PSIP1: variants seen among roughly 807,000 people sequenced by gnomAD.
PSIP1 encodes PC4 and SFRS1-interacting protein.
Under a neutral mutation model 74.7 loss-of-function variants are expected in PSIP1, and 19 were observed. The ratio of observed to expected loss-of-function variants is 0.25; its 90% CI spans 0.18 to 0.37. PSIP1 has a LOEUF of 0.37. Ranked by LOEUF, PSIP1 falls within the 10% of genes least tolerant of loss-of-function variation. PSIP1 has a pLI of 1.00. For missense variants in PSIP1, 601 were observed against 614.3 expected (o/e 0.98, Z 0.23); for synonymous variants, 222 against 195.3 (o/e 1.14, Z -1.14).
intron 3 of PSIP1, among the ~76,000 whole-genome samples, chr9:15,492,515 C>T (rs761253746): frequency 6.6e-6 from 1 of 152,188 alleles, no homozygotes; most frequent in African/African-American, 2.4e-5. Flanking sequence ...TGTTGAATGT[C>T]TGCAGCTTTT....
chr9:15,487,284 C>G (rs2036596588), intron 4 of PSIP1, among the ~76,000 whole-genome samples: 1 of 151,910 alleles, frequency 6.6e-6, no homozygotes, highest in South Asian at 2.1e-4. Flanking sequence ...AATCACAGGA[C>G]AAATGATCCA....
chr9:15,510,766 G>A (rs946125688), intron 1 of PSIP1, 51 bp downstream of exon 1: 3 of 152,072 alleles, frequency 2.0e-5, no homozygotes, highest in South Asian at 2.1e-4. Context: ...GCTACAGCCA[G>A]GAGCGACGCC....
At chr9:15,499,205 G>T (rs1393086591) in intron 3 of PSIP1, among the ~76,000 whole-genome samples, 2 of 152,152 alleles carry the variant, frequency 1.3e-5, no homozygotes, top group Non-Finnish European at 2.9e-5. Context: ...TTTAACCATT[G>T]TAATACAGTC....
intron 15 of PSIP1, chr9:15,465,966 G>A (rs1251419762): frequency 1.2e-5 from 2 of 164,886 alleles, no homozygotes; most frequent in African/African-American, 2.4e-5. Flanking sequence ...TAGACAACAA[G>A]ATTTCCCTCA....
At position 15,510,150 on chromosome 9, in the gene PSIP1, G is replaced by A. The variant is rs551504986; in HGVS notation, c.39C>T (p.Ala13=). 3.7e-6 allele frequency: 6 copies of A among 1,608,434 alleles called. No homozygotes were observed. Among genetic ancestry groups the A allele is most frequent in the African/African-American group, 1.4e-5 (1 of 74,038 alleles). The stretch of plus-strand genomic sequence containing the variant: ...GCCAATGGGGATAACCTTTCATCTT[G>A]GCGAAGATGAGGTCTCCAGGTTTGA... ...RDFKPGDLIF[A]KMKGYPHWPA... The change falls in exon 2 of 16, where the codon GCC becomes GCT. Residue 13 remains alanine, a synonymous_variant. Transcript: ENST00000380733.
chr9:15,489,893 C>G (rs1051830902), intron 4 of PSIP1, 93 bp downstream of exon 4: 2 of 1,099,592 alleles, frequency 1.8e-6, no homozygotes, highest in Admixed American at 3.1e-5. Flanking sequence ...ATGAAATTCC[C>G]AAGGCTTTTA....
rs542820498 is a variant in PSIP1, at chr9:15,464,114, T to C, written c.*1406A>G. ...AAAACAAGTTTACACGTTGAACTTA[T>C]GGCTTAACTAGAATAAATCTAAGTA... On this transcript the variant is annotated 3_prime_UTR_variant, in exon 16 of 16. Coordinates refer to ENST00000380733, the MANE Select transcript of PSIP1 (RefSeq NM_033222.5). 7 of 181,114 alleles carry C rather than the reference T, an allele frequency of 3.9e-5. No individual in the cohort carries two copies. Among genetic ancestry groups the C allele is most frequent in the East Asian group, 3.6e-4 (4 of 10,980 alleles). The allele number at this position is 181,114 out of a possible 1,614,324, so 11.2% of individuals were successfully genotyped here. A position where few individuals can be genotyped will look rare whatever the true frequency, so the allele number is the denominator to read the frequency against.
chr9:15,490,102 T>A lies in PSIP1; in HGVS notation c.172A>T (p.Ile58Leu). Reference protein sequence around the residue: ...HETAFLGPKDIFPYSENKEKY... With the variant: ...HETAFLGPKDLFPYSENKEKY... The stretch of plus-strand genomic sequence containing the variant: ...TCCTTATTTTCTGAGTAAGGAAATA[T>A]ATCCTTTGGTCCTAAAAAAGCACTA... Residue 58 changes from isoleucine (I) to leucine (L), a missense_variant, in exon 4 of 16, where the codon ATA becomes TTA. Ile to Leu is a conservative substitution (Grantham distance 5, BLOSUM62 2). Coordinates refer to ENST00000380733, the MANE Select transcript of PSIP1 (RefSeq NM_033222.5). 1 of 1,599,244 alleles carries A rather than the reference T, an allele frequency of 6.3e-7. No homozygotes were observed. The highest frequency in any genetic ancestry group is 8.5e-7 in the Non-Finnish European group (1 of 1,174,946).
chr9:15,471,900 C>T (rs565752781), intron 10 of PSIP1: 12 of 982,732 alleles, frequency 1.2e-5, no homozygotes, highest in Middle Eastern at 5.2e-4. Context: ...GAATGTAAGA[C>T]GCTTCACGAG....
chr9:15,489,608 C>CAAA (rs1278277874), intron 4 of PSIP1, among the ~76,000 whole-genome samples: 765 of 45,492 alleles, frequency 0.017, 16 homozygotes, highest in African/African-American at 0.045. Flanking sequence ...AACTACACCT[C>CAAA]AAAAAAAAAA....
chr9:15,480,811 A>G (rs867976778), intron 6 of PSIP1, among the ~76,000 whole-genome samples: 6 of 152,238 alleles, frequency 3.9e-5, no homozygotes, highest in Admixed American at 6.5e-5. Flanking sequence ...TCCCAGCTAC[A>G]TAGGAAACTG....
chr9:15,484,132 C>CA (rs533395028), intron 6 of PSIP1, among the ~76,000 whole-genome samples: 2,554 of 51,874 alleles, frequency 0.049, 74 homozygotes, highest in African/African-American at 0.13. Context: ...ACTCTGTATC[C>CA]AAAAAAAAAA....
At chr9:15,474,307 ATAATTTT>A in intron 8 of PSIP1, 70 bp from the exon 9 acceptor site, 1 of 1,326,332 alleles carries the variant, frequency 7.5e-7, no homozygotes, top group Non-Finnish European at 1.0e-6. Flanking sequence ...TCAGTAAGCT[ATAATTTT>A]TAATTTAAAG....
chr9:15,487,098 G>C (rs1360908118), intron 4 of PSIP1, among the ~76,000 whole-genome samples, 167 bp from the exon 5 acceptor site: 1 of 150,872 alleles, frequency 6.6e-6, no homozygotes, highest in Admixed American at 6.6e-5. Context: ...CTGGGCTCAA[G>C]GCATCCTCCC....
chr9:15,500,003 A>G (rs2037257798), intron 3 of PSIP1, among the ~76,000 whole-genome samples: 1 of 152,126 alleles, frequency 6.6e-6, no homozygotes, highest in African/African-American at 2.4e-5. Flanking sequence ...TTTTAACAAC[A>G]TATTGATTCT....
chr9:15,484,093 C>T (rs1337527672), intron 6 of PSIP1, among the ~76,000 whole-genome samples: 4 of 145,676 alleles, frequency 2.7e-5, no homozygotes, highest in Non-Finnish European at 6.0e-5. Flanking sequence ...GATCATGCCA[C>T]TGCACTCCAG....
chr9:15,494,565 C>CAAAAAAAAAAAAAAAA, intron 3 of PSIP1, among the ~76,000 whole-genome samples: 1 of 37,562 alleles, frequency 2.7e-5, no homozygotes, highest in African/African-American at 1.1e-4. Flanking sequence ...AACTGCATCT[C>CAAAAAAAAAAAAAAAA]AAAAAAAAAA....
chr9:15,504,736 CA>C (rs576748638), intron 3 of PSIP1, among the ~76,000 whole-genome samples: 1,368 of 102,136 alleles, frequency 0.013, 3 homozygotes, highest in Middle Eastern at 0.027. Context: ...GACTCGGTCT[CA>C]AAAAAAAAAA....
At position 15,486,062 on chromosome 9, in the gene PSIP1, T is replaced by A; in HGVS notation, c.400A>T (p.Thr134Ser). The A allele has an allele frequency of 6.2e-7, 1 of 1,602,734 alleles. No individual in the cohort carries two copies. Among genetic ancestry groups the A allele is most frequent in the Non-Finnish European group, 8.5e-7 (1 of 1,173,108 alleles). Reference sequence around the variant, plus strand: ...GGAGTAGTTATGTCAACTGCTTTAGTCACATCCTAAAAAAGAAAAAAGAAA... The same window carrying A: ...GGAGTAGTTATGTCAACTGCTTTAGACACATCCTAAAAAAGAAAAAAGAAA... ...HEEKASNEDV[T>S]KAVDITTPKA... Residue 134 changes from threonine (T) to serine (S), a missense_variant, in exon 6 of 16, where the codon ACT (threonine) becomes TCT (serine). By Grantham distance (58) the Thr-to-Ser change is moderately conservative (BLOSUM62 1). This residue lies in a region of PSIP1 where 538 missense variants were observed against 507.6 expected (regional missense o/e 1.06). Coordinates refer to ENST00000380733, the MANE Select transcript of PSIP1 (RefSeq NM_033222.5).
Sources: gnomAD v4.1 joint callset for allele counts (sites outside exome capture counted in the v4.1 genomes callset) on GRCh38, gnomAD v4.1.1 for gene constraint, gnomAD v4.1.1 regional missense constraint, MANE v1.5 for transcripts, NCBI Gene and HGNC (gene_info 2026-07-23, HGNC 2026-07-21) for gene names.